NOL4: variants seen among roughly 807,000 people sequenced by gnomAD.
NOL4 encodes the protein cancer/testis antigen 125.
NOL4 carries 17 observed loss-of-function variants against 75.9 expected under a neutral mutation model. The observed-to-expected ratio is 0.22, with a 90% CI of 0.15 to 0.34. The LOEUF (loss-of-function observed/expected upper bound fraction) is 0.34, where lower values mean the gene tolerates loss of function less well. Ranked by LOEUF, NOL4 falls within the 10% of genes least tolerant of loss-of-function variation. The pLI, the probability that NOL4 is intolerant of heterozygous loss-of-function variation, is 1.00. For missense variants in NOL4, 614 were observed against 793.5 expected, an observed-to-expected ratio of 0.77 and a Z score of 2.72; for synonymous variants, 292 against 289.9, an observed-to-expected ratio of 1.01 and a Z score of -0.07.
At chr18:33,906,812 C>T (rs1210475459) in intron 9 of NOL4, among the ~76,000 whole-genome samples, 2 of 152,020 alleles carry the variant, frequency 1.3e-5, no homozygotes, top group East Asian at 1.9e-4. Context: ...TTTCCTTTTC[C>T]ACACCCTTAG....
chr18:34,224,594 A>T lies in NOL4; in HGVS notation c.-1341T>A, dbSNP rs1182575280. Reference sequence around the variant, plus strand: ...GCCCGTCCCGGGGAGCGGCTCTGCCAGGAAAACGGCCCGACCAGTGCCCGG... The same window carrying T: ...GCCCGTCCCGGGGAGCGGCTCTGCCTGGAAAACGGCCCGACCAGTGCCCGG... On this transcript the variant is annotated 5_prime_UTR_variant, in exon 1 of 11. Transcript: ENST00000261592. 1.3e-5 allele frequency: 2 copies of T among 152,140 alleles called. No homozygotes were observed. The highest frequency in any genetic ancestry group is 2.1e-4 in the South Asian group (1 of 4,822). The allele number at this position is 152,140 out of a possible 1,614,324, so 9.4% of individuals were successfully genotyped here.
At chr18:33,916,844 A>G (rs1214459316) in intron 9 of NOL4, among the ~76,000 whole-genome samples, 1 of 152,186 alleles carries the variant, frequency 6.6e-6, no homozygotes, top group Non-Finnish European at 1.5e-5. Flanking sequence ...TATTTGTCCT[A>G]AAGTATAGCT....
At chr18:34,049,173 G>C (rs992341754) in intron 5 of NOL4, among the ~76,000 whole-genome samples, 1 of 151,446 alleles carries the variant, frequency 6.6e-6, no homozygotes, top group Non-Finnish European at 1.5e-5. Flanking sequence ...TTCAGGGTGG[G>C]GGAGGGGTAT....
At chr18:33,966,991 T>C (rs1018125503) in intron 6 of NOL4, among the ~76,000 whole-genome samples, 10 of 152,256 alleles carry the variant, frequency 6.6e-5, no homozygotes, top group African/African-American at 1.7e-4. Context: ...CTAAAATTCA[T>C]ATAGAATTTT....
At chr18:33,855,860 G>T (rs1369600853) in intron 10 of NOL4, among the ~76,000 whole-genome samples, 3 of 146,346 alleles carry the variant, frequency 2.0e-5, no homozygotes, top group African/African-American at 7.6e-5. Context: ...TAAGTTATCA[G>T]TTGAATACTT....
chr18:34,084,224 C>G (rs145417777), intron 5 of NOL4, among the ~76,000 whole-genome samples: 1 of 152,054 alleles, frequency 6.6e-6, no homozygotes, highest in Non-Finnish European at 1.5e-5. Flanking sequence ...GGTGGAATCC[C>G]CCTCCTCTGG....
chr18:33,882,987 A>T (rs568937547), intron 10 of NOL4, among the ~76,000 whole-genome samples: 1 of 152,182 alleles, frequency 6.6e-6, no homozygotes, highest in East Asian at 1.9e-4. Flanking sequence ...ATTCTCATTC[A>T]TAGGTGGGAA....
At chr18:34,001,362 G>C (rs1201507966) in intron 6 of NOL4, among the ~76,000 whole-genome samples, 2 of 152,058 alleles carry the variant, frequency 1.3e-5, no homozygotes, top group African/African-American at 4.8e-5. Context: ...CTACATAATT[G>C]TCCTTACCTT....
intron 6 of NOL4, among the ~76,000 whole-genome samples, chr18:33,971,497 G>T (rs2071057515): frequency 1.3e-5 from 2 of 152,162 alleles, no homozygotes; most frequent in Admixed American, 1.3e-4. Flanking sequence ...CAATAACAAT[G>T]AAATTTTGAG....
At chr18:33,861,840 C>T (rs938108972) in intron 10 of NOL4, among the ~76,000 whole-genome samples, 17 of 152,034 alleles carry the variant, frequency 1.1e-4, no homozygotes, top group African/African-American at 4.1e-4. Context: ...AATGGCCATA[C>T]TGCCCAAGGT....
chr18:34,139,182 C>T (rs2081031353), intron 1 of NOL4, among the ~76,000 whole-genome samples: 1 of 152,154 alleles, frequency 6.6e-6, no homozygotes, highest in Non-Finnish European at 1.5e-5. Flanking sequence ...CAGGATGATG[C>T]TGGTCTCATA....
At chr18:34,057,357 C>T (rs566599683) in intron 5 of NOL4, among the ~76,000 whole-genome samples, 1 of 152,292 alleles carries the variant, frequency 6.6e-6, no homozygotes, top group Admixed American at 6.5e-5. Flanking sequence ...AAGAATACTG[C>T]TATATTGAAA....
At chr18:34,028,658 G>T (rs573612421) in intron 5 of NOL4, among the ~76,000 whole-genome samples, 27 of 152,298 alleles carry the variant, frequency 1.8e-4, no homozygotes, top group African/African-American at 6.3e-4. Context: ...AAGGGCCAAT[G>T]ACCACATCAA....
At chr18:34,002,197 T>G (rs1184508398) in intron 6 of NOL4, among the ~76,000 whole-genome samples, 1 of 152,124 alleles carries the variant, frequency 6.6e-6, no homozygotes, top group African/African-American at 2.4e-5. Context: ...GTCAAATTTA[T>G]AAGTATAATT....
At chr18:33,869,933 T>C (rs1193361812) in intron 10 of NOL4, among the ~76,000 whole-genome samples, 1 of 152,104 alleles carries the variant, frequency 6.6e-6, no homozygotes, top group African/African-American at 2.4e-5. Context: ...TTCTTGTATA[T>C]GAAGAAAGGC....
Position 34,200,710 on chromosome 18 carries a change from G to A in NOL4, c.264+22280C>T, listed in dbSNP as rs79526233. 1.9e-3 allele frequency among the ~76,000 whole-genome samples: 291 copies of A among 151,596 alleles called. 4 individuals carry two copies. The highest frequency in any genetic ancestry group is 0.014 in the Admixed American group (218 of 15,190). ...GGCATACACTTAGGCATGTCACTGCGGTACCAAAAGTCAGCTGCCAATATA... is the reference window on the plus strand; with the variant it reads ...GGCATACACTTAGGCATGTCACTGCAGTACCAAAAGTCAGCTGCCAATATA... On this transcript the variant is annotated intron_variant, in intron 1 of 10. Coordinates refer to ENST00000261592, the MANE Select transcript of NOL4 (RefSeq NM_003787.5).
intron 1 of NOL4, among the ~76,000 whole-genome samples, chr18:34,139,651 G>A (rs1266117749): frequency 6.6e-6 from 1 of 151,934 alleles, no homozygotes; most frequent in African/African-American, 2.4e-5. Context: ...TTGATTTTTT[G>A]GAGGGTTTTT....
intron 6 of NOL4, among the ~76,000 whole-genome samples, chr18:33,985,616 A>T (rs1204745437): frequency 6.6e-6 from 1 of 152,064 alleles, no homozygotes; most frequent in Non-Finnish European, 1.5e-5. Context: ...AAAGACCCTC[A>T]TGTCTTGTCT....
chr18:33,996,187 G>C (rs987676675), intron 6 of NOL4, among the ~76,000 whole-genome samples: 2 of 151,474 alleles, frequency 1.3e-5, no homozygotes, highest in East Asian at 3.9e-4. Flanking sequence ...GAAGGAGATA[G>C]GGCCATTTAG....
Sources: allele counts gnomAD v4.1 joint callset (sites outside exome capture counted in the v4.1 genomes callset), GRCh38; gene constraint gnomAD v4.1.1; transcripts MANE v1.5; gene names NCBI Gene and HGNC (gene_info 2026-07-23, HGNC 2026-07-21).